CSF2RA: variants seen among roughly 807,000 people sequenced by gnomAD.
CSF2RA encodes the protein granulocyte-macrophage colony-stimulating factor receptor subunit alpha.
Under a neutral mutation model 51.6 loss-of-function variants are expected in CSF2RA, and 42 were observed. That is an observed-to-expected ratio of 0.81 (90% CI 0.64 to 1.05). The LOEUF (loss-of-function observed/expected upper bound fraction) is 1.05, where lower values mean the gene tolerates loss of function less well. Ranked by LOEUF, CSF2RA falls within the 50% of genes least tolerant of loss-of-function variation. The pLI is 0.00. For synonymous variants in CSF2RA, 222 were observed against 193.0 expected (o/e 1.15, Z -1.24); for missense variants, 530 against 501.1 (o/e 1.06, Z -0.55).
intron 11 of CSF2RA, among the ~76,000 whole-genome samples, chrX:1,304,728 A>G (rs1364509234): frequency 3.3e-5 from 5 of 151,802 alleles, no homozygotes; most frequent in African/African-American, 7.3e-5. Flanking sequence ...GCAGTGTTGC[A>G]ATCTCGGCTC....
At chrX:1,323,438 A>G in the CSF2RA span, among the ~76,000 whole-genome samples, 7 of 152,036 alleles carry the variant, frequency 4.6e-5, no homozygotes, top group African/African-American at 1.7e-4. Flanking sequence ...AGAGAGGAGC[A>G]TGTCGTCAGT....
chrX:1,301,616 G>A (rs1168837798), intron 10 of CSF2RA, among the ~76,000 whole-genome samples: 1 of 53,274 alleles, frequency 1.9e-5, no homozygotes. Context: ...TTTTTTTTTT[G>A]AGACGGCGTT....
intron 12 of CSF2RA, among the ~76,000 whole-genome samples, chrX:1,306,785 G>A (rs1202584896): frequency 2.0e-5 from 3 of 149,950 alleles, no homozygotes; most frequent in African/African-American, 4.9e-5. Context: ...AGAGGGAGAA[G>A]GAGACATAGA....
chrX:1,309,323 A>G, intron 12 of CSF2RA, 79 bp from the exon 13 acceptor site: 2 of 1,428,046 alleles, frequency 1.4e-6, no homozygotes, highest in Non-Finnish European at 2.0e-6. Context: ...TCGAGGGAGA[A>G]AAAGAAAATA....
At chrX:1,268,957 T>C (rs2087963739) in intron 1 of CSF2RA, 78 bp downstream of exon 1, 2 of 447,878 alleles carry the variant, frequency 4.5e-6, no homozygotes, top group South Asian at 3.1e-5. Context: ...TGTCTGTCGA[T>C]AGAAAAGAAA....
intron 7 of CSF2RA, among the ~76,000 whole-genome samples, chrX:1,291,800 C>G (rs1194897186): frequency 5.3e-5 from 8 of 150,682 alleles, no homozygotes; most frequent in African/African-American, 1.7e-4. Flanking sequence ...GTCCCTACTC[C>G]ACGTCCACCT....
chrX:1,310,869 G>C (rs193210166), downstream of CSF2RA, among the ~76,000 whole-genome samples: 3 of 151,948 alleles, frequency 2.0e-5, no homozygotes, highest in East Asian at 5.8e-4. Context: ...AAGAGGGGGC[G>C]GACTCCTTAT....
At chrX:1,322,254 C>T in the CSF2RA span, among the ~76,000 whole-genome samples, 3,731 of 146,282 alleles carry the variant, frequency 0.026, 141 homozygotes, top group African/African-American at 0.087. Flanking sequence ...GACAGGTGCC[C>T]GCCACGTCAC....
chrX:1,317,103 T>C, the CSF2RA span, among the ~76,000 whole-genome samples: 3,587 of 144,550 alleles, frequency 0.025, 137 homozygotes, highest in African/African-American at 0.086. Flanking sequence ...CCCACCACCA[T>C]GCCCGGCTAA....
At chrX:1,294,613 G>A in intron 8 of CSF2RA, 152 bp downstream of exon 8, 1 of 1,026,122 alleles carries the variant, frequency 9.7e-7, no homozygotes, top group Non-Finnish European at 1.5e-6. Flanking sequence ...GGGTAGCGGA[G>A]GAAGAGGTGA....
the CSF2RA span, among the ~76,000 whole-genome samples, chrX:1,317,973 AT>A: frequency 6.7e-6 from 1 of 148,856 alleles, no homozygotes; most frequent in Admixed American, 6.7e-5. Flanking sequence ...TGACTGGCTA[AT>A]TTTTTTCTTT....
At chrX:1,316,680 C>T in the CSF2RA span, among the ~76,000 whole-genome samples, 1 of 152,218 alleles carries the variant, frequency 6.6e-6, no homozygotes, top group Non-Finnish European at 1.5e-5. Flanking sequence ...TCATGGGGCT[C>T]CCCAACGCCT....
At chrX:1,317,246 C>CTT in the CSF2RA span, among the ~76,000 whole-genome samples, 14,496 of 57,846 alleles carry the variant, frequency 0.25, 3,645 homozygotes, top group East Asian at 0.65. Context: ...CCACGCTCAG[C>CTT]TTTTTTTTTT....
downstream of CSF2RA, among the ~76,000 whole-genome samples, chrX:1,314,247 T>A (rs1485387110): frequency 6.0e-3 from 623 of 103,774 alleles, 5 homozygotes; most frequent in African/African-American, 0.011. Context: ...CCAACCCCAC[T>A]GCACCTGCCC....
chrX:1,310,604 G>T (rs2084129012), downstream of CSF2RA, among the ~76,000 whole-genome samples: 1 of 149,760 alleles, frequency 6.7e-6, no homozygotes, highest in Non-Finnish European at 1.5e-5. Context: ...GGAGGAGGAG[G>T]TTGCAGTGAA....
intron 12 of CSF2RA, 94 bp downstream of exon 12, chrX:1,305,621 C>G (rs1416988574): frequency 1.9e-6 from 3 of 1,613,732 alleles, no homozygotes; most frequent in African/African-American, 1.3e-5. Flanking sequence ...TCTTGCTTCT[C>G]CACCAGATGG....
At chrX:1,270,664 T>C (rs2088260099) in intron 1 of CSF2RA, among the ~76,000 whole-genome samples, 1 of 151,870 alleles carries the variant, frequency 6.6e-6, no homozygotes, top group Admixed American at 6.6e-5. Flanking sequence ...ACAGTATTGA[T>C]CTGTTCACAT....
the CSF2RA span, among the ~76,000 whole-genome samples, chrX:1,319,691 C>T: frequency 6.8e-6 from 1 of 147,170 alleles, no homozygotes; most frequent in Non-Finnish European, 1.5e-5. Flanking sequence ...TCTGGAATTA[C>T]AGCCATTCTT....
downstream of CSF2RA, among the ~76,000 whole-genome samples, chrX:1,310,892 G>C (rs1329572521): frequency 6.6e-6 from 1 of 152,000 alleles, no homozygotes; most frequent in African/African-American, 2.4e-5. Context: ...ATGGCTTGGT[G>C]CCTTTCTTGT....
Sources: gnomAD v4.1 joint callset for allele counts (sites outside exome capture counted in the v4.1 genomes callset) on GRCh38, gnomAD v4.1.1 for gene constraint, MANE v1.5 for transcripts, NCBI Gene and HGNC (gene_info 2026-07-23, HGNC 2026-07-21) for gene names.